ATRNL1: variants seen among roughly 807,000 people sequenced by gnomAD.
ATRNL1 encodes attractin like 1, also known as attractin-like protein 1.
ATRNL1 carries 95 observed loss-of-function variants against 182.7 expected under a neutral mutation model. That is an observed-to-expected ratio of 0.52 (90% CI 0.44 to 0.62). The LOEUF (loss-of-function observed/expected upper bound fraction) is 0.62. ATRNL1 is among the 20% of genes least tolerant of loss of function. The pLI is 0.00. For missense variants in ATRNL1, 1,471 were observed against 1,679.5 expected, an observed-to-expected ratio of 0.88 and a Z score of 2.17; for synonymous variants, 576 against 568.3, an observed-to-expected ratio of 1.01 and a Z score of -0.19.
At chr10:115,709,826 A>G (rs1555054031) in intron 26 of ATRNL1, among the ~76,000 whole-genome samples, 1 of 152,084 alleles carries the variant, frequency 6.6e-6, no homozygotes. Flanking sequence ...GTACCAGTCC[A>G]GTCCATGACA....
chr10:115,938,428 C>T (rs1953627945), intron 28 of ATRNL1, among the ~76,000 whole-genome samples: 1 of 152,118 alleles, frequency 6.6e-6, no homozygotes, highest in African/African-American at 2.4e-5. Flanking sequence ...TCACATGTTT[C>T]AAGAGAAATA....
At chr10:115,176,371 T>G (rs1257792319) in intron 8 of ATRNL1, among the ~76,000 whole-genome samples, 5 of 152,202 alleles carry the variant, frequency 3.3e-5, no homozygotes, top group African/African-American at 9.6e-5. Flanking sequence ...AGACATGAAG[T>G]CCTTGCCCAT....
At chr10:115,907,340 G>A (rs1158346353) in intron 28 of ATRNL1, among the ~76,000 whole-genome samples, 1 of 152,156 alleles carries the variant, frequency 6.6e-6, no homozygotes, top group African/African-American at 2.4e-5. Flanking sequence ...TTCCCTTTCG[G>A]TATGTGCTCA....
intron 26 of ATRNL1, among the ~76,000 whole-genome samples, chr10:115,681,349 A>T (rs1390577164): frequency 6.6e-6 from 1 of 152,126 alleles, no homozygotes; most frequent in African/African-American, 2.4e-5. Flanking sequence ...GTTATCACAT[A>T]AAGACTTTTA....
At chr10:115,332,326 A>T (rs553194117) in intron 18 of ATRNL1, among the ~76,000 whole-genome samples, 21 of 152,110 alleles carry the variant, frequency 1.4e-4, no homozygotes, top group Non-Finnish European at 2.5e-4. Flanking sequence ...TTACTTGTGC[A>T]TTCAGGTTTT....
At chr10:115,560,679 A>G (rs1188691859) in intron 26 of ATRNL1, among the ~76,000 whole-genome samples, 2 of 149,736 alleles carry the variant, frequency 1.3e-5, no homozygotes, top group African/African-American at 4.8e-5. Context: ...TAAAATCCAC[A>G]GGGAGAGGCA....
At position 115,389,542 on chromosome 10, in the gene ATRNL1, A is replaced by ATATATATATATATG. The variant is rs1843875041; in HGVS notation, c.3176-5104_3176-5103insGTATATATATATAT. 5.8e-3 allele frequency among the ~76,000 whole-genome samples: 60 copies of ATATATATATATATG among 10,272 alleles called. 3 individuals carry two copies. Among genetic ancestry groups the ATATATATATATATG allele is most frequent in the Admixed American group, 0.011 (6 of 536 alleles). The allele number at this position is 10,272 out of a possible 152,430, so 6.7% of individuals were successfully genotyped here. ...GAATAGTATTCAAATGTGTATGTGT[A>ATATATATATATATG]TATATATATATATATATATATATAT... On this transcript the variant is annotated intron_variant, in intron 19 of 28. Transcript: ENST00000355044.
intron 26 of ATRNL1, chr10:115,597,750 G>A (rs1372379581): frequency 9.2e-6 from 4 of 434,904 alleles, no homozygotes; most frequent in Non-Finnish European, 1.4e-5. Flanking sequence ...GTTTCACCAT[G>A]TTGGCCAGAC....
intron 19 of ATRNL1, among the ~76,000 whole-genome samples, chr10:115,377,485 T>C (rs997294362): frequency 6.6e-6 from 1 of 152,242 alleles, no homozygotes; most frequent in African/African-American, 2.4e-5. Flanking sequence ...TGTCTATCTA[T>C]GTTTCCTTGC....
chr10:115,132,284 T>C (rs1845283622), intron 5 of ATRNL1, among the ~76,000 whole-genome samples: 1 of 152,226 alleles, frequency 6.6e-6, no homozygotes, highest in Non-Finnish European at 1.5e-5. Flanking sequence ...GGCTGTATAG[T>C]ATTCCATGGT....
intron 8 of ATRNL1, among the ~76,000 whole-genome samples, chr10:115,191,228 A>G (rs891986911): frequency 1.1e-4 from 16 of 152,056 alleles, no homozygotes; most frequent in African/African-American, 3.6e-4. Context: ...TTTTGGATAT[A>G]TGTCCAGCAG....
At chr10:115,395,755 TTTTATTTTCCTTC>T in intron 20 of ATRNL1, among the ~76,000 whole-genome samples, 1 of 151,812 alleles carries the variant, frequency 6.6e-6, no homozygotes, top group Non-Finnish European at 1.5e-5. Context: ...TATTCTAAAA[TTTTATTTTCCTTC>T]AAAAATTAAC....
At chr10:115,272,135 T>C (rs1182443697) in intron 13 of ATRNL1, among the ~76,000 whole-genome samples, 2 of 152,230 alleles carry the variant, frequency 1.3e-5, no homozygotes, top group African/African-American at 4.8e-5. Flanking sequence ...GAGCAGATGC[T>C]GGTGCCACAT....
intron 19 of ATRNL1, among the ~76,000 whole-genome samples, chr10:115,380,643 A>G (rs1407907763): frequency 1.3e-5 from 2 of 152,184 alleles, no homozygotes; most frequent in African/African-American, 2.4e-5. Context: ...GTGATCTTTC[A>G]TGACTGACTT....
rs1353626960 is a variant in ATRNL1, at chr10:115,587,105, G to A, written c.3795+37569G>A. ...AGGGATTCACTTGAGGAGGCAGTCTGCCCGTTCTCAGATCTCCAGCTGCGT... is the reference window on the plus strand; with the variant it reads ...AGGGATTCACTTGAGGAGGCAGTCTACCCGTTCTCAGATCTCCAGCTGCGT... On this transcript the variant is annotated intron_variant, in intron 26 of 28. Transcript: ENST00000355044. 4.0e-5 allele frequency among the ~76,000 whole-genome samples: 6 copies of A among 149,202 alleles called. No individual in the cohort carries two copies. The East Asian group carries it at 1.3e-3, about 31-fold the overall frequency.
At chr10:115,212,654 A>G (rs1349141691) in intron 8 of ATRNL1, among the ~76,000 whole-genome samples, 1 of 152,146 alleles carries the variant, frequency 6.6e-6, no homozygotes, top group Non-Finnish European at 1.5e-5. Flanking sequence ...ACACCGTGGA[A>G]TATTATGCAG....
chr10:115,770,135 G>A (rs909110561), intron 27 of ATRNL1, among the ~76,000 whole-genome samples: 3 of 147,618 alleles, frequency 2.0e-5, no homozygotes, highest in Admixed American at 1.4e-4. Context: ...TACCTGAAGG[G>A]TTTTTTTTTT....
At chr10:115,595,744 TG>T (rs1856197561) in intron 26 of ATRNL1, among the ~76,000 whole-genome samples, 1 of 151,782 alleles carries the variant, frequency 6.6e-6, no homozygotes, top group Non-Finnish European at 1.5e-5. Flanking sequence ...CAGTATTTTA[TG>T]GATTGATTAT....
At chr10:115,673,750 G>T (rs1239136113) in intron 26 of ATRNL1, among the ~76,000 whole-genome samples, 1 of 152,000 alleles carries the variant, frequency 6.6e-6, no homozygotes, top group Non-Finnish European at 1.5e-5. Flanking sequence ...CCATAAACAG[G>T]TAGTCTTATT....
Sources: allele counts gnomAD v4.1 joint callset (sites outside exome capture counted in the v4.1 genomes callset), GRCh38; gene constraint gnomAD v4.1.1; transcripts MANE v1.5; gene names NCBI Gene and HGNC (gene_info 2026-07-23, HGNC 2026-07-21).